Variants in SPATA16 observed in about 807,000 individuals in gnomAD.
SPATA16 encodes the protein spermatogenesis-associated protein 16.
A neutral mutation model predicts 63.3 loss-of-function variants in SPATA16; 36 were observed. The observed-to-expected ratio is 0.57, with a 90% confidence interval of 0.44 to 0.75. The LOEUF (loss-of-function observed/expected upper bound fraction) is 0.75, where lower values mean the gene tolerates loss of function less well. Ranked by LOEUF, SPATA16 falls within the 30% of genes least tolerant of loss-of-function variation. The probability of loss-of-function intolerance (pLI) is 0.00; values close to 1 mark genes in which losing one functional copy is unlikely to be tolerated. For synonymous variants in SPATA16, 203 were observed against 216.7 expected (o/e 0.94, Z 0.56); for missense variants, 646 against 679.3 (o/e 0.95, Z 0.54).
chr3:172,951,191 G>A (rs979780692), intron 6 of SPATA16, among the ~76,000 whole-genome samples: 1 of 151,412 alleles, frequency 6.6e-6, no homozygotes, highest in African/African-American at 2.4e-5. Context: ...GCTATACTGT[G>A]AAAAAAAATC....
intron 1 of SPATA16, among the ~76,000 whole-genome samples, chr3:173,135,128 C>T (rs1738505568): frequency 6.6e-6 from 1 of 152,096 alleles, no homozygotes; most frequent in South Asian, 2.1e-4. Context: ...GAAGAAGACC[C>T]AGTAGAGAAG....
intron 3 of SPATA16, among the ~76,000 whole-genome samples, chr3:173,025,326 T>C (rs981265928): frequency 1.3e-5 from 2 of 151,922 alleles, no homozygotes; most frequent in Non-Finnish European, 2.9e-5. Flanking sequence ...TTTTGAAAAG[T>C]AAATTTTAAT....
At chr3:173,135,863 C>G (rs1488444618) in intron 1 of SPATA16, among the ~76,000 whole-genome samples, 3 of 152,154 alleles carry the variant, frequency 2.0e-5, no homozygotes, top group African/African-American at 7.2e-5. Flanking sequence ...GCTGGTTACA[C>G]CAATGTGTTC....
At chr3:172,976,787 T>C (rs1734169637) in intron 5 of SPATA16, among the ~76,000 whole-genome samples, 181 bp downstream of exon 5, 1 of 152,118 alleles carries the variant, frequency 6.6e-6, no homozygotes, top group Non-Finnish European at 1.5e-5. Context: ...ACCTTGAATT[T>C]TGCCCCTAGA....
intron 2 of SPATA16, among the ~76,000 whole-genome samples, chr3:173,052,967 G>C (rs1317236135): frequency 1.3e-5 from 2 of 152,156 alleles, no homozygotes; most frequent in African/African-American, 4.8e-5. Flanking sequence ...TTTGAATACA[G>C]TATGGACAAA....
chr3:172,908,181 C>T (rs1353074372), intron 10 of SPATA16, among the ~76,000 whole-genome samples: 1 of 152,158 alleles, frequency 6.6e-6, no homozygotes, highest in Non-Finnish European at 1.5e-5. Flanking sequence ...AATGTGTCAA[C>T]AGGATTTGTG....
At chr3:173,060,694 G>T (rs903191962) in intron 2 of SPATA16, among the ~76,000 whole-genome samples, 1 of 152,064 alleles carries the variant, frequency 6.6e-6, no homozygotes, top group Non-Finnish European at 1.5e-5. Context: ...CTAGTGATTT[G>T]CCCCCATTGA....
chr3:173,024,622 A>G (rs1577137119), intron 3 of SPATA16, among the ~76,000 whole-genome samples: 1 of 150,812 alleles, frequency 6.6e-6, no homozygotes, highest in African/African-American at 2.4e-5. Context: ...AGGATGAGAA[A>G]TGAACAAATA....
chr3:173,132,601 A>G lies in SPATA16; in HGVS notation c.-19+8502T>C, dbSNP rs150941733. On this transcript the variant is annotated intron_variant, in intron 1 of 10. Coordinates refer to ENST00000351008, the MANE Select transcript of SPATA16 (RefSeq NM_031955.6). ...GTGAGAGTGTAAACAGAGTTAAAGTATTCTAATGTTACAAAATTATTAGGA... is the reference window on the plus strand; with the variant it reads ...GTGAGAGTGTAAACAGAGTTAAAGTGTTCTAATGTTACAAAATTATTAGGA... Among the ~76,000 whole-genome samples, 704 of 152,342 alleles carry G rather than the reference A, an allele frequency of 4.6e-3. 3 individuals are homozygous for G. The highest frequency in any genetic ancestry group is 8.1e-3 in the Non-Finnish European group (548 of 68,020).
intron 1 of SPATA16, among the ~76,000 whole-genome samples, chr3:173,130,358 CAAAAAAAAAAAA>C (rs1202660573): frequency 2.5e-5 from 1 of 39,918 alleles, no homozygotes; most frequent in Non-Finnish European, 6.0e-5. Context: ...GACTTCGTCT[CAAAAAAAAAAAA>C]AAAAAAAAAA....
At chr3:173,138,234 T>G (rs1317924433) in intron 1 of SPATA16, among the ~76,000 whole-genome samples, 1 of 152,136 alleles carries the variant, frequency 6.6e-6, no homozygotes, top group East Asian at 1.9e-4. Context: ...ACTGAAGCAT[T>G]CATGCATGTG....
intron 4 of SPATA16, among the ~76,000 whole-genome samples, chr3:172,978,159 C>CTA (rs569557957): frequency 0.033 from 4,906 of 148,238 alleles, 96 homozygotes; most frequent in Middle Eastern, 0.041. Flanking sequence ...CTCTCTCTCT[C>CTA]TCTATATATA....
At chr3:173,047,333 T>A (rs1001112068) in intron 3 of SPATA16, among the ~76,000 whole-genome samples, 1 of 151,948 alleles carries the variant, frequency 6.6e-6, no homozygotes, top group Non-Finnish European at 1.5e-5. Context: ...ATTCAAAAAT[T>A]CATCAAAATA....
intron 5 of SPATA16, among the ~76,000 whole-genome samples, chr3:172,963,832 T>C (rs1375403511): frequency 6.6e-6 from 1 of 152,116 alleles, no homozygotes; most frequent in Non-Finnish European, 1.5e-5. Context: ...TCTTCCAAGG[T>C]TACAAAATTA....
intron 2 of SPATA16, among the ~76,000 whole-genome samples, chr3:173,102,002 TGAGTCAATAAAAACTTTTG>T (rs1287165799): frequency 6.6e-6 from 1 of 152,192 alleles, no homozygotes; most frequent in African/African-American, 2.4e-5. Context: ...ACCTCAAGTC[TGAGTCAATAAAAACTTTTG>T]GATTCTCAGA....
intron 10 of SPATA16, among the ~76,000 whole-genome samples, chr3:172,907,110 G>A (rs1732258137): frequency 6.6e-6 from 1 of 152,152 alleles, no homozygotes; most frequent in South Asian, 2.1e-4. Flanking sequence ...TTCAATCACA[G>A]CTGCAAGGGG....
intron 4 of SPATA16, among the ~76,000 whole-genome samples, chr3:173,001,548 G>A (rs1010381704): frequency 2.0e-5 from 3 of 152,162 alleles, no homozygotes; most frequent in East Asian, 1.9e-4. Flanking sequence ...AACCTTAAGC[G>A]TCACCTCTCA....
chr3:173,050,046 T>G (rs1258839652), intron 2 of SPATA16, among the ~76,000 whole-genome samples: 1 of 152,208 alleles, frequency 6.6e-6, no homozygotes, highest in Non-Finnish European at 1.5e-5. Flanking sequence ...TACTTATTTA[T>G]ATATCCTTCA....
At chr3:172,920,611 G>A (rs1732596353) in intron 8 of SPATA16, among the ~76,000 whole-genome samples, 1 of 152,074 alleles carries the variant, frequency 6.6e-6, no homozygotes, top group African/African-American at 2.4e-5. Flanking sequence ...AATTAGGGCA[G>A]CCAAAAAATA....
Sources: gnomAD v4.1 joint callset for allele counts (sites outside exome capture counted in the v4.1 genomes callset) on GRCh38, gnomAD v4.1.1 for gene constraint, MANE v1.5 for transcripts, NCBI Gene and HGNC (gene_info 2026-07-23, HGNC 2026-07-21) for gene names.